Variants in CADM2 observed in about 807,000 individuals in gnomAD.
The protein encoded by CADM2 is cell adhesion molecule 2.
Under a neutral mutation model 49.8 loss-of-function variants are expected in CADM2, and 12 were observed. That is an observed-to-expected ratio of 0.24 (90% CI 0.15 to 0.39). The LOEUF (loss-of-function observed/expected upper bound fraction) is 0.39, where lower values mean the gene tolerates loss of function less well. Ranked by LOEUF, CADM2 falls within the 10% of genes least tolerant of loss-of-function variation. CADM2 has a pLI of 1.00. For missense variants in CADM2, 378 were observed against 492.3 expected, an observed-to-expected ratio of 0.77 and a Z score of 2.20; for synonymous variants, 214 against 175.4, an observed-to-expected ratio of 1.22 and a Z score of -1.74.
chr3:85,067,100 A>T (rs900015583), intron 1 of CADM2, among the ~76,000 whole-genome samples: 12 of 152,160 alleles, frequency 7.9e-5, no homozygotes, highest in African/African-American at 2.9e-4. Context: ...TTTTTAAAAA[A>T]TGTTGTACTC....
intron 2 of CADM2, among the ~76,000 whole-genome samples, chr3:85,739,350 T>C (rs555892133): frequency 1.1e-4 from 17 of 152,130 alleles, no homozygotes; most frequent in Non-Finnish European, 2.1e-4. Flanking sequence ...ATTATCTTTA[T>C]AACTTATAAA....
intron 1 of CADM2, among the ~76,000 whole-genome samples, chr3:85,074,285 A>T (rs2107481582): frequency 6.6e-6 from 1 of 151,946 alleles, no homozygotes; most frequent in Middle Eastern, 3.4e-3. Context: ...GCTGACTCCC[A>T]CAACTCCTTC....
At chr3:85,117,484 G>A (rs2038680146) in intron 1 of CADM2, among the ~76,000 whole-genome samples, 1 of 151,996 alleles carries the variant, frequency 6.6e-6, no homozygotes, top group Admixed American at 6.6e-5. Flanking sequence ...CATCAATTAT[G>A]GATTAGTGTA....
chr3:85,487,773 C>T (rs1389696384), intron 1 of CADM2, among the ~76,000 whole-genome samples: 1 of 150,870 alleles, frequency 6.6e-6, no homozygotes, highest in Non-Finnish European at 1.5e-5. Flanking sequence ...TGTGTGCGTG[C>T]GTGTGTGTGT....
chr3:85,292,139 C>T (rs2043817527), intron 1 of CADM2, among the ~76,000 whole-genome samples: 1 of 147,642 alleles, frequency 6.8e-6, no homozygotes, highest in African/African-American at 2.5e-5. Context: ...GGTTGCAATC[C>T]TAGTCTCTGA....
At chr3:85,079,269 A>T (rs2037066700) in intron 1 of CADM2, among the ~76,000 whole-genome samples, 1 of 151,840 alleles carries the variant, frequency 6.6e-6, no homozygotes, top group Admixed American at 6.6e-5. Flanking sequence ...TATTTATAAC[A>T]GTTATTCACA....
chr3:85,404,031 G>A (rs72905493), intron 1 of CADM2, among the ~76,000 whole-genome samples: 6,036 of 152,108 alleles, frequency 0.04, 401 homozygotes, highest in African/African-American at 0.14. Context: ...ATTATATGTA[G>A]ATATATGACA....
chr3:85,388,325 G>T (rs1203562975), intron 1 of CADM2, among the ~76,000 whole-genome samples: 3 of 152,212 alleles, frequency 2.0e-5, no homozygotes, highest in African/African-American at 4.8e-5. Flanking sequence ...GAGAGGATGA[G>T]AATTAATTGT....
At chr3:85,491,835 C>T (rs989175906) in intron 1 of CADM2, among the ~76,000 whole-genome samples, 5 of 151,880 alleles carry the variant, frequency 3.3e-5, no homozygotes, top group African/African-American at 1.2e-4. Flanking sequence ...GCCTGTAGTC[C>T]CAGCTACTCC....
chr3:86,066,331 T>TAAAAAAA (rs1204983209), intron 9 of CADM2, among the ~76,000 whole-genome samples: 1 of 7,698 alleles, frequency 1.3e-4, no homozygotes, highest in African/African-American at 3.6e-3. Context: ...AGACTCCGTC[T>TAAAAAAA]CAAAAAAAAA....
chr3:85,267,732 A>G (rs1470794723), intron 1 of CADM2, among the ~76,000 whole-genome samples: 1 of 151,614 alleles, frequency 6.6e-6, no homozygotes, highest in Non-Finnish European at 1.5e-5. Context: ...GTAATTGGAC[A>G]TAAACAAAAA....
intron 1 of CADM2, among the ~76,000 whole-genome samples, chr3:85,188,690 T>C (rs1056670372): frequency 6.6e-6 from 1 of 152,096 alleles, no homozygotes; most frequent in Admixed American, 6.6e-5. Context: ...TCTCTTTTTC[T>C]AAGCGTGAAA....
intron 1 of CADM2, among the ~76,000 whole-genome samples, chr3:85,601,130 G>GTGTGTATATATATA (rs1328015269): frequency 9.1e-6 from 1 of 109,650 alleles, no homozygotes; most frequent in Admixed American, 9.7e-5. Flanking sequence ...ATATATGTGT[G>GTGTGTATATATATA]TATATATATA....
At chr3:85,520,358 C>T (rs1576707344) in intron 1 of CADM2, among the ~76,000 whole-genome samples, 1 of 151,738 alleles carries the variant, frequency 6.6e-6, no homozygotes, top group African/African-American at 2.4e-5. Flanking sequence ...AAAACATTTT[C>T]ACACTAACTG....
At chr3:85,502,345 G>C (rs543453825) in intron 1 of CADM2, among the ~76,000 whole-genome samples, 51 of 152,170 alleles carry the variant, frequency 3.4e-4, no homozygotes, top group African/African-American at 1.1e-3. Context: ...CTTGAGAAAG[G>C]CTTCATTTGT....
At chr3:85,229,359 T>C (rs562038970) in intron 1 of CADM2, among the ~76,000 whole-genome samples, 1 of 152,286 alleles carries the variant, frequency 6.6e-6, no homozygotes, top group Admixed American at 6.5e-5. Context: ...GTACAGTCTC[T>C]CACGGCTTCC....
chr3:85,405,200 CT>C (rs1172595883), intron 1 of CADM2, among the ~76,000 whole-genome samples: 2 of 152,106 alleles, frequency 1.3e-5, no homozygotes, highest in Non-Finnish European at 2.9e-5. Context: ...TATTACTATA[CT>C]TAGAAAATCC....
At chr3:85,821,702 C>T (rs987049965) in intron 3 of CADM2, among the ~76,000 whole-genome samples, 10 of 152,084 alleles carry the variant, frequency 6.6e-5, no homozygotes, top group Admixed American at 5.9e-4. Flanking sequence ...ACAAACTAAC[C>T]TTATTCATGG....
At chr3:85,662,295 A>G (rs1478665341) in intron 1 of CADM2, among the ~76,000 whole-genome samples, 1 of 151,756 alleles carries the variant, frequency 6.6e-6, no homozygotes, top group African/African-American at 2.4e-5. Context: ...AATGTGGTAA[A>G]AAATGAAATA....
Sources: gnomAD v4.1 joint callset for allele counts (sites outside exome capture counted in the v4.1 genomes callset) on GRCh38, gnomAD v4.1.1 for gene constraint, MANE v1.5 for transcripts, NCBI Gene and HGNC (gene_info 2026-07-23, HGNC 2026-07-21) for gene names.